HRH1: variants seen among roughly 807,000 people sequenced by gnomAD.
HRH1 encodes the protein histamine receptor H1, also known as histamine H1 receptor.
A neutral mutation model predicts 10.3 loss-of-function variants in HRH1; 6 were observed. The observed-to-expected ratio is 0.58, with a 90% CI of 0.32 to 1.15. HRH1 has a LOEUF of 1.15. Among genes scored for constraint, HRH1 ranks in the 50% most tolerant of loss-of-function variants. The pLI, the probability that HRH1 is intolerant of heterozygous loss-of-function variation, is 0.05. For synonymous variants in HRH1, 242 were observed against 236.7 expected (o/e 1.02, Z -0.21); for missense variants, 514 against 615.3 (o/e 0.84, Z 1.74).
intron 1 of HRH1, among the ~76,000 whole-genome samples, chr3:11,196,409 AT>A (rs561535970): frequency 5.3e-5 from 8 of 150,092 alleles, no homozygotes; most frequent in Middle Eastern, 3.4e-3. Flanking sequence ...TGATTCCTTG[AT>A]TTTTTTTTTC....
At chr3:11,232,245 C>A (rs550768393) in intron 1 of HRH1, among the ~76,000 whole-genome samples, 146 of 152,288 alleles carry the variant, frequency 9.6e-4, no homozygotes, top group Middle Eastern at 3.4e-3. Context: ...CTCGGCCTCC[C>A]AAAGTGCTGG....
In HRH1 at chr3:11,259,643, C is replaced by G. The variant is rs762486235; in HGVS notation, c.606C>G (p.Pro202=). The G allele has an allele frequency of 2.5e-6, 4 of 1,614,100 alleles. No homozygotes were observed. The highest frequency in any genetic ancestry group is 2.5e-6 in the Non-Finnish European group (3 of 1,180,020). Reference sequence around the variant, plus strand: ...CTGCCATCATCAACTTCTACCTGCCCACCTTGCTCATGCTCTGGTTCTATG... The same window carrying G: ...CTGCCATCATCAACTTCTACCTGCCGACCTTGCTCATGCTCTGGTTCTATG... ...VMTAIINFYL[P]TLLMLWFYAK... Residue 202 remains proline (P), a synonymous_variant, in exon 2 of 2, where the codon CCC becomes CCG. Coordinates refer to ENST00000431010, the MANE Select transcript of HRH1 (RefSeq NM_001098212.2). This position sits in a 1 kb window ranked among gnomAD's most constrained non-coding sequence, Gnocchi z 4.6.
At chr3:11,147,264 G>A (rs531488379) in intron 1 of HRH1, among the ~76,000 whole-genome samples, 6 of 152,136 alleles carry the variant, frequency 3.9e-5, no homozygotes, top group Non-Finnish European at 7.4e-5. Context: ...CACAGAGTAG[G>A]GACTTGATGA....
At chr3:11,140,255 G>T (rs193124234) in intron 1 of HRH1, among the ~76,000 whole-genome samples, 4 of 152,138 alleles carry the variant, frequency 2.6e-5, no homozygotes, top group African/African-American at 9.7e-5. Flanking sequence ...ATTTGCTAAG[G>T]CTGGATGAAA....
At chr3:11,159,016 G>A (rs1432184819) in intron 1 of HRH1, among the ~76,000 whole-genome samples, 2 of 152,228 alleles carry the variant, frequency 1.3e-5, no homozygotes, top group African/African-American at 2.4e-5. Context: ...GGGAGGCCGA[G>A]GTGGGTGGAT....
intron 1 of HRH1, chr3:11,234,569 C>T (rs550227873): frequency 2.6e-5 from 37 of 1,432,842 alleles, no homozygotes; most frequent in South Asian, 5.7e-5. Context: ...CCATGCTCCT[C>T]GTATGGATCG....
intron 1 of HRH1, among the ~76,000 whole-genome samples, chr3:11,167,389 T>C (rs1446280556): frequency 1.4e-3 from 32 of 22,270 alleles, no homozygotes; most frequent in African/African-American, 7.3e-3. Flanking sequence ...CCCTGGCCTC[T>C]CCAGGCCCGT....
At chr3:11,149,632 C>T (rs1042315551), upstream of HRH1, among the ~76,000 whole-genome samples, 21 of 152,178 alleles carry the variant, frequency 1.4e-4, no homozygotes, top group African/African-American at 3.9e-4. Flanking sequence ...AAGAGCTAAA[C>T]GGAGAGACTG....
At chr3:11,166,114 C>A (rs994211023) in intron 1 of HRH1, among the ~76,000 whole-genome samples, 1 of 152,168 alleles carries the variant, frequency 6.6e-6, no homozygotes, top group African/African-American at 2.4e-5. Context: ...TCTTGTGTAT[C>A]CTCATCACTG....
chr3:11,156,105 G>A (rs538638420), intron 1 of HRH1, among the ~76,000 whole-genome samples: 1 of 152,306 alleles, frequency 6.6e-6, no homozygotes, highest in South Asian at 2.1e-4. Context: ...AGGAAAGCCA[G>A]GCAGCAGGTC....
At chr3:11,184,025 G>C (rs1937407741) in intron 1 of HRH1, among the ~76,000 whole-genome samples, 1 of 151,978 alleles carries the variant, frequency 6.6e-6, no homozygotes, top group Non-Finnish European at 1.5e-5. Context: ...GTCAGGCATT[G>C]TGTCTCATTC....
chr3:11,161,264 G>A (rs974609082), intron 1 of HRH1, among the ~76,000 whole-genome samples: 1 of 152,200 alleles, frequency 6.6e-6, no homozygotes, highest in African/African-American at 2.4e-5. Flanking sequence ...AGCTAACAGA[G>A]GCATCTGCTT....
chr3:11,190,361 A>T (rs997644297), intron 1 of HRH1, among the ~76,000 whole-genome samples: 25 of 146,864 alleles, frequency 1.7e-4, no homozygotes, highest in Admixed American at 7.4e-4. Flanking sequence ...ATATATATAT[A>T]TATATTTTTT....
chr3:11,200,118 C>T (rs1044100364), intron 1 of HRH1, among the ~76,000 whole-genome samples: 14 of 152,206 alleles, frequency 9.2e-5, no homozygotes, highest in East Asian at 1.9e-4. Context: ...GTGTGACCTC[C>T]GGGGCTGTGG....
At chr3:11,220,176 A>G (rs1938658952) in intron 1 of HRH1, among the ~76,000 whole-genome samples, 1 of 152,106 alleles carries the variant, frequency 6.6e-6, no homozygotes, top group Non-Finnish European at 1.5e-5. Context: ...TTAATAAAAC[A>G]ATACCTATCA....
At chr3:11,158,402 G>A (rs1435574532) in intron 1 of HRH1, among the ~76,000 whole-genome samples, 1 of 152,204 alleles carries the variant, frequency 6.6e-6, no homozygotes, top group African/African-American at 2.4e-5. Context: ...AGAAGAAACA[G>A]GTTCAGAGGG....
At chr3:11,229,911 AAGTT>A (rs1938995714) in intron 1 of HRH1, among the ~76,000 whole-genome samples, 1 of 152,222 alleles carries the variant, frequency 6.6e-6, no homozygotes, top group Non-Finnish European at 1.5e-5. Context: ...TAATGGGAAT[AAGTT>A]AGTAACTGAA....
intron 1 of HRH1, among the ~76,000 whole-genome samples, chr3:11,214,862 A>G (rs1262251957): frequency 6.6e-6 from 1 of 152,248 alleles, no homozygotes; most frequent in Admixed American, 6.5e-5. Context: ...TTAGCAGGAT[A>G]AAATCTGGTG....
chr3:11,198,927 CAT>C (rs1491451341), intron 1 of HRH1, among the ~76,000 whole-genome samples: 1 of 148,808 alleles, frequency 6.7e-6, no homozygotes, highest in East Asian at 2.0e-4. Flanking sequence ...CACACACACA[CAT>C]TTTTTTTTTT....
Sources: gnomAD v4.1 joint callset for allele counts (sites outside exome capture counted in the v4.1 genomes callset) on GRCh38, gnomAD v4.1.1 for gene constraint, Gnocchi (gnomAD v3.1) non-coding constraint, MANE v1.5 for transcripts, NCBI Gene and HGNC (gene_info 2026-07-23, HGNC 2026-07-21) for gene names.